IPO9: variants seen among roughly 807,000 people sequenced by gnomAD.
IPO9 encodes the protein importin-9.
In IPO9, 28 loss-of-function variants were observed where a neutral mutation model predicts 128.6. That is an observed-to-expected ratio of 0.22 (90% CI 0.16 to 0.30). The LOEUF (loss-of-function observed/expected upper bound fraction) is 0.30, where lower values mean the gene tolerates loss of function less well. IPO9 is among the 10% of genes least tolerant of loss of function. The pLI is 1.00. For missense variants in IPO9, 935 were observed against 1,293.9 expected (o/e 0.72, Z 4.26); for synonymous variants, 455 against 475.8 (o/e 0.96, Z 0.57).
intron 1 of IPO9, among the ~76,000 whole-genome samples, chr1:201,841,335 A>T (rs1056942198): frequency 6.6e-5 from 10 of 152,228 alleles, no homozygotes; most frequent in Admixed American, 2.0e-4. Flanking sequence ...ATTGCTTTAT[A>T]TTTTAAGATT....
chr1:201,844,864 G>A (rs1454379659), intron 1 of IPO9, among the ~76,000 whole-genome samples: 1 of 152,138 alleles, frequency 6.6e-6, no homozygotes, highest in African/African-American at 2.4e-5. Flanking sequence ...AAGCCAAACA[G>A]TGTATTCATG....
chr1:201,871,099 C>G, intron 18 of IPO9, 62 bp from the exon 19 acceptor site: 1 of 1,531,068 alleles, frequency 6.5e-7, no homozygotes, highest in Non-Finnish European at 9.0e-7. Context: ...GGCCAGTTCC[C>G]TCTCATCTCC....
At chr1:201,855,222 T>C (rs908618058) in intron 9 of IPO9, 40 bp downstream of exon 9, 25 of 1,356,846 alleles carry the variant, frequency 1.8e-5, no homozygotes, top group Non-Finnish European at 2.1e-5. Flanking sequence ...TACCAGTTAG[T>C]GGGAAAAGAA....
At chr1:201,851,785 A>C (rs1308420003) in intron 4 of IPO9, among the ~76,000 whole-genome samples, 1 of 152,236 alleles carries the variant, frequency 6.6e-6, no homozygotes, top group Admixed American at 6.5e-5. Flanking sequence ...AGATAAATTA[A>C]TACAGAATTT....
At chr1:201,830,783 A>G (rs917706817) in intron 1 of IPO9, among the ~76,000 whole-genome samples, 3 of 152,174 alleles carry the variant, frequency 2.0e-5, no homozygotes, top group Non-Finnish European at 4.4e-5. Context: ...ATTCATCTTA[A>G]CTAAACCTTC....
At chr1:201,873,954 C>T (rs1680709475) in intron 20 of IPO9, among the ~76,000 whole-genome samples, 1 of 152,180 alleles carries the variant, frequency 6.6e-6, no homozygotes, top group Non-Finnish European at 1.5e-5. Flanking sequence ...AATTCTAAGT[C>T]ATTGGGACTG....
At chr1:201,866,249 C>T (rs1680552609) in intron 14 of IPO9, among the ~76,000 whole-genome samples, 1 of 152,098 alleles carries the variant, frequency 6.6e-6, no homozygotes, top group Non-Finnish European at 1.5e-5. Flanking sequence ...CCTTGGCCCC[C>T]CAAAGTGCTG....
chr1:201,875,144 T>C lies in IPO9; in HGVS notation c.2939-8T>C. ...CCTGACCCGCCCTGTGTTGGCTATG[T>C]CTAACAGAGGAGGATTACTACGAGG... On this transcript the variant is annotated splice_polypyrimidine_tract_variant and splice_region_variant and intron_variant, in intron 22 of 23. Transcript: ENST00000361565. 1 of 1,613,164 alleles carries C rather than the reference T, an allele frequency of 6.2e-7. No homozygotes were observed. Among genetic ancestry groups the C allele is most frequent in the South Asian group, 1.1e-5 (1 of 91,062 alleles).
chr1:201,847,218 C>A, intron 1 of IPO9, 61 bp from the exon 2 acceptor site: 2 of 1,215,562 alleles, frequency 1.6e-6, no homozygotes, highest in Non-Finnish European at 2.4e-6. Context: ...AGGGTTAGAG[C>A]TTAGTAAATT....
Position 201,829,262 on chromosome 1 carries a change from C to T in IPO9, c.53C>T (p.Ala18Val), listed in dbSNP as rs1321002102. The T allele has an allele frequency of 1.3e-6, 2 of 1,592,362 alleles. No individual in the cohort carries two copies. Among genetic ancestry groups the T allele is most frequent in the South Asian group, 1.1e-5 (1 of 88,018 alleles). Reference protein sequence around the residue: ...GAASGLPGPVAQGLKEALVDT... With the variant: ...GAASGLPGPVVQGLKEALVDT... Reference sequence around the variant, plus strand: ...GCCTCCGGGCTGCCGGGTCCAGTGGCACAAGGATTAAAGGAAGCGTTAGTG... The same window carrying T: ...GCCTCCGGGCTGCCGGGTCCAGTGGTACAAGGATTAAAGGAAGCGTTAGTG... Residue 18 changes from alanine (A) to valine (V), a missense_variant, in exon 1 of 24, where the codon GCA becomes GTA. By Grantham distance (64) the Ala-to-Val change is moderately conservative. Around this residue, in one of 3 missense-constraint regions of IPO9, gnomAD observed 741 missense variants for 1,019.1 expected, o/e 0.73. Transcript: ENST00000361565.
intron 16 of IPO9, 145 bp downstream of exon 16, chr1:201,868,941 T>C: frequency 7.9e-7 from 1 of 1,267,786 alleles, no homozygotes; most frequent in Non-Finnish European, 1.0e-6. Context: ...GGACAGTGGG[T>C]GATTCTCTGA....
intron 20 of IPO9, among the ~76,000 whole-genome samples, chr1:201,873,376 CAG>C (rs1386217131): frequency 7.7e-6 from 1 of 130,090 alleles, no homozygotes; most frequent in Non-Finnish European, 1.6e-5. Flanking sequence ...ACCTGGGAGG[CAG>C]AGGTTGCGGT....
At chr1:201,866,673 A>T in intron 14 of IPO9, 60 bp from the exon 15 acceptor site, 2 of 1,298,974 alleles carry the variant, frequency 1.5e-6, no homozygotes, top group Non-Finnish European at 2.2e-6. Flanking sequence ...TGTGAGATTG[A>T]TTGGGAAAAC....
At position 201,876,809 on chromosome 1, in the gene IPO9, T is replaced by C. The variant is rs1429366980; in HGVS notation, c.*755T>C. The stretch of plus-strand genomic sequence containing the variant: ...TTTTTTTAAATCCACCTGACCCAAC[T>C]ATATTTAATATGCCTCTCCCACACA... On this transcript the variant is annotated 3_prime_UTR_variant, in exon 24 of 24. Transcript: ENST00000361565. The C allele has an allele frequency of 6.6e-6, 1 of 152,232 alleles. No homozygotes were observed. Among genetic ancestry groups the C allele is most frequent in the Non-Finnish European group, 1.5e-5 (1 of 68,076 alleles). 9.4% of individuals were successfully genotyped at this position (152,232 alleles called of 1,614,324 possible).
intron 1 of IPO9, among the ~76,000 whole-genome samples, chr1:201,832,371 G>A (rs924031375): frequency 1.3e-5 from 2 of 151,534 alleles, no homozygotes; most frequent in African/African-American, 2.4e-5. Flanking sequence ...CAATTCTCGT[G>A]CCTCAGCCTC....
At position 201,863,501 on chromosome 1, in the gene IPO9, G is replaced by C. The variant is rs373584452; in HGVS notation, c.1522G>C (p.Ala508Pro). 1.2e-5 allele frequency: 19 copies of C among 1,600,222 alleles called. No individual in the cohort carries two copies. In the East Asian group the frequency reaches 3.6e-4, roughly 30 times the overall value. ...TTGGGCTGCCAGTCGGTTCACTGTT[G>C]CTATGTCCCCTGAACTGATCCAGCA... ...ALWAASRFTVAMSPELIQQFL... is the reference protein window; with the variant it reads ...ALWAASRFTVPMSPELIQQFL... The change falls in exon 14 of 24, where the codon GCT becomes CCT. Residue 508 changes from alanine (A) to proline (P), a missense_variant. Physicochemically the swap from Ala to Pro is conservative, Grantham distance 27. Around this residue, in one of 3 missense-constraint regions of IPO9, gnomAD observed 741 missense variants for 1,019.1 expected, o/e 0.73. Transcript: ENST00000361565.
At chr1:201,847,133 A>G (rs979461989) in intron 1 of IPO9, 146 bp from the exon 2 acceptor site, 5 of 634,484 alleles carry the variant, frequency 7.9e-6, no homozygotes, top group Non-Finnish European at 1.4e-5. Flanking sequence ...TTTTACTTGG[A>G]GGAATCAGTC....
intron 1 of IPO9, 79 bp downstream of exon 1, chr1:201,829,451 G>A: frequency 1.4e-6 from 2 of 1,385,300 alleles, no homozygotes; most frequent in Non-Finnish European, 1.9e-6. Context: ...CTGGGGACAT[G>A]GGGAGCCTGA....
chr1:201,882,948 CTG>C lies in IPO9; in HGVS notation c.*6897_*6898del, dbSNP rs1680916831. 1.3e-5 allele frequency: 2 copies of C among 152,640 alleles called. No homozygotes were observed. The highest frequency in any genetic ancestry group is 2.9e-5 in the Non-Finnish European group (2 of 68,042). 9.5% of individuals were successfully genotyped at this position (152,640 alleles called of 1,614,324 possible). A position where few individuals can be genotyped will look rare whatever the true frequency, so the allele number is the denominator to read the frequency against. ...ATTCTTCCTGACTCACTGGATTACA[CTG>C]TGACTCAGTTCAATTTCACACATGC... On this transcript the variant is annotated 3_prime_UTR_variant, in exon 24 of 24. Coordinates refer to ENST00000361565, the MANE Select transcript of IPO9 (RefSeq NM_018085.5).
Sources: gnomAD v4.1 joint callset for allele counts (sites outside exome capture counted in the v4.1 genomes callset) on GRCh38, gnomAD v4.1.1 for gene constraint, gnomAD v4.1.1 regional missense constraint, MANE v1.5 for transcripts, NCBI Gene and HGNC (gene_info 2026-07-23, HGNC 2026-07-21) for gene names.